Variants in ROBO2 observed in about 807,000 individuals in gnomAD.
ROBO2 encodes roundabout homolog 2.
A neutral mutation model predicts 160.8 loss-of-function variants in ROBO2; 53 were observed. The ratio of observed to expected loss-of-function variants is 0.33; its 90% CI spans 0.26 to 0.41. The LOEUF is 0.41. ROBO2 is among the 10% of genes least tolerant of loss of function. The pLI is 1.00. For synonymous variants in ROBO2, 664 were observed against 611.7 expected (o/e 1.09, Z -1.26); for missense variants, 1,577 against 1,722.4 (o/e 0.92, Z 1.49).
chr3:76,898,617 A>T (rs1303208442), intron 2 of ROBO2, among the ~76,000 whole-genome samples: 2 of 152,152 alleles, frequency 1.3e-5, no homozygotes, highest in East Asian at 3.9e-4. Context: ...TCTCAATTTG[A>T]AGTTCAGACA....
At chr3:75,944,261 C>G (rs369016577) in intron 2 of ROBO2, among the ~76,000 whole-genome samples, 99 of 152,050 alleles carry the variant, frequency 6.5e-4, no homozygotes, top group Non-Finnish European at 1.2e-3. Flanking sequence ...AACTAAAGTA[C>G]GAGAGCCTGA....
At chr3:76,020,475 T>A (rs1365554871) in intron 2 of ROBO2, among the ~76,000 whole-genome samples, 1 of 151,862 alleles carries the variant, frequency 6.6e-6, no homozygotes, top group Non-Finnish European at 1.5e-5. Context: ...AAGTTTTTAT[T>A]TAAATTCTAT....
At chr3:77,354,867 T>A (rs2068842181) in intron 2 of ROBO2, among the ~76,000 whole-genome samples, 1 of 152,190 alleles carries the variant, frequency 6.6e-6, no homozygotes, top group Non-Finnish European at 1.5e-5. Context: ...AGGCCAGATG[T>A]CAGGCAGAGC....
chr3:77,555,202 T>A (rs1325433545), intron 8 of ROBO2, among the ~76,000 whole-genome samples: 2 of 152,000 alleles, frequency 1.3e-5, no homozygotes, highest in Non-Finnish European at 2.9e-5. Flanking sequence ...CTACACTTAA[T>A]AGACTCCAGA....
intron 1 of ROBO2, among the ~76,000 whole-genome samples, chr3:77,062,896 A>G (rs775921467): frequency 1.7e-4 from 26 of 152,282 alleles, no homozygotes; most frequent in Non-Finnish European, 3.4e-4. Context: ...ATTAGTTTGT[A>G]TATGTATGAG....
chr3:77,198,058 C>G (rs1189183659), intron 2 of ROBO2, among the ~76,000 whole-genome samples: 1 of 152,254 alleles, frequency 6.6e-6, no homozygotes, highest in African/African-American at 2.4e-5. Flanking sequence ...AGTACAGTGC[C>G]TGACACATAG....
At chr3:77,330,429 G>A (rs2065860209) in intron 2 of ROBO2, among the ~76,000 whole-genome samples, 2 of 152,190 alleles carry the variant, frequency 1.3e-5, no homozygotes, top group South Asian at 4.1e-4. Flanking sequence ...GACGCAGGAG[G>A]ATTGCTTGAA....
intron 2 of ROBO2, among the ~76,000 whole-genome samples, chr3:76,232,634 A>G (rs1197354936): frequency 6.6e-6 from 1 of 152,226 alleles, no homozygotes; most frequent in Non-Finnish European, 1.5e-5. Context: ...GATCACAAAC[A>G]AATCATTTAA....
chr3:77,319,145 G>A (rs957013158), intron 2 of ROBO2, among the ~76,000 whole-genome samples: 8 of 152,100 alleles, frequency 5.3e-5, no homozygotes, highest in Admixed American at 4.6e-4. Flanking sequence ...CAATGGCTAA[G>A]TCCATTATGA....
chr3:77,277,389 C>G (rs1439948584), intron 2 of ROBO2, among the ~76,000 whole-genome samples: 1 of 151,746 alleles, frequency 6.6e-6, no homozygotes, highest in Non-Finnish European at 1.5e-5. Flanking sequence ...CTGCACAGAT[C>G]CACCCATCAC....
chr3:76,948,888 ATATATATATATATATATATATTT>A lies in ROBO2; in HGVS notation c.110-149124_110-149102del, dbSNP rs1223724023. Among the ~76,000 whole-genome samples, 82 of 24,836 alleles carry A rather than the reference ATATATATATATATATATATATTT, an allele frequency of 3.3e-3. 2 individuals are homozygous for A. Among genetic ancestry groups the A allele is most frequent in the African/African-American group, 1.0e-2 (79 of 7,938 alleles). 16.3% of individuals were successfully genotyped at this position (24,836 alleles called of 152,430 possible). Reference sequence around the variant, plus strand: ...CCCGGCTAATTTTATATATATATATATATATATATATATATATATATTTTTTTTTTTTTTTTTTTTTTAGTAGA... The same window carrying A: ...CCCGGCTAATTTTATATATATATATATTTTTTTTTTTTTTTTTTTAGTAGA... On this transcript the variant is annotated intron_variant, in intron 2 of 26. Transcript: ENST00000487694.
chr3:76,653,927 A>G (rs1199099286), intron 2 of ROBO2, among the ~76,000 whole-genome samples: 3 of 152,132 alleles, frequency 2.0e-5, no homozygotes, highest in Non-Finnish European at 4.4e-5. Context: ...CCTTTTTAAT[A>G]TGGACATTTT....
Position 76,304,090 on chromosome 3 carries a change from T to TA in ROBO2, c.109+366489dup, listed in dbSNP as rs1159123210. 9.2e-5 allele frequency among the ~76,000 whole-genome samples: 14 copies of TA among 152,378 alleles called. 2 individuals are homozygous for TA. Among genetic ancestry groups the TA allele is most frequent in the African/African-American group, 3.4e-4 (14 of 41,594 alleles). On this transcript the variant is annotated intron_variant, in intron 2 of 26. Transcript: ENST00000487694. ...TTCTTCAGCCACATTGTAATTGAAG[T>TA]ATTTATACATTATGCATTTGACCTG...
intron 2 of ROBO2, among the ~76,000 whole-genome samples, chr3:76,503,191 G>T (rs1278829301): frequency 1.3e-5 from 2 of 152,114 alleles, no homozygotes; most frequent in Non-Finnish European, 2.9e-5. Context: ...TCCAGCATGG[G>T]AGAAAGATGT....
intron 2 of ROBO2, among the ~76,000 whole-genome samples, chr3:76,015,206 TG>T (rs2066372389): frequency 6.6e-6 from 1 of 152,332 alleles, no homozygotes; most frequent in Admixed American, 6.5e-5. Flanking sequence ...AAATTACAAA[TG>T]GCTACATATA....
chr3:77,273,119 C>G (rs1190751412), intron 2 of ROBO2, among the ~76,000 whole-genome samples: 1 of 152,014 alleles, frequency 6.6e-6, no homozygotes, highest in Non-Finnish European at 1.5e-5. Context: ...TCCTTTTTCC[C>G]CCGTCTAGTA....
chr3:77,624,184 A>G (rs890019253), intron 23 of ROBO2, among the ~76,000 whole-genome samples: 1 of 152,196 alleles, frequency 6.6e-6, no homozygotes, highest in African/African-American at 2.4e-5. Flanking sequence ...TCTTTAGTAA[A>G]AGAAGTTGTG....
Position 76,890,177 on chromosome 3 carries a change from A to T in ROBO2, c.110-207837A>T, listed in dbSNP as rs188066877. On this transcript the variant is annotated intron_variant, in intron 2 of 26. Coordinates refer to the ROBO2 transcript ENST00000487694. Reference sequence around the variant, plus strand: ...CTAGAAATATGATAGTGGGTTATTGAGCTATTACCAAGTGCCAGGCGTTGA... The same window carrying T: ...CTAGAAATATGATAGTGGGTTATTGTGCTATTACCAAGTGCCAGGCGTTGA... Among the ~76,000 whole-genome samples, 83 of 152,242 alleles carry T rather than the reference A, an allele frequency of 5.5e-4. 2 individuals carry two copies. Among genetic ancestry groups the T allele is most frequent in the African/African-American group, 1.9e-3 (78 of 41,550 alleles).
intron 2 of ROBO2, among the ~76,000 whole-genome samples, chr3:76,024,729 C>A (rs979260331): frequency 1.3e-5 from 2 of 151,472 alleles, no homozygotes; most frequent in African/African-American, 4.8e-5. Flanking sequence ...TGTTGCATGG[C>A]ATAAAATTTT....
Sources: allele counts gnomAD v4.1 joint callset (sites outside exome capture counted in the v4.1 genomes callset), GRCh38; gene constraint gnomAD v4.1.1; transcripts MANE v1.5; gene names NCBI Gene and HGNC (gene_info 2026-07-23, HGNC 2026-07-21).